The following SRGAP3 variants were observed in gnomAD, a reference collection of about 807,000 sequenced individuals.
The protein encoded by SRGAP3 is SLIT-ROBO Rho GTPase activating protein 3, also known as SLIT-ROBO Rho GTPase-activating protein 3.
In SRGAP3, 39 loss-of-function variants were observed where a neutral mutation model predicts 121.1. That is an observed-to-expected ratio of 0.32 (90% CI 0.25 to 0.42). The LOEUF (loss-of-function observed/expected upper bound fraction) is 0.42. SRGAP3 is among the 10% of genes least tolerant of loss of function. The pLI, the probability that SRGAP3 is intolerant of heterozygous loss-of-function variation, is 1.00. For missense variants in SRGAP3, 1,213 were observed against 1,470.6 expected (o/e 0.82, Z 2.86); for synonymous variants, 601 against 570.0 (o/e 1.05, Z -0.77).
rs772020039 is a variant in SRGAP3, at chr3:8,994,541, GA to G, written c.2228-19del. 1.4e-5 allele frequency: 23 copies of G among 1,608,656 alleles called. No individual in the cohort carries two copies. Among genetic ancestry groups the G allele is most frequent in the Non-Finnish European group, 1.8e-5 (21 of 1,178,754 alleles). On this transcript the variant is annotated intron_variant, in intron 18 of 21. Coordinates refer to ENST00000383836, the MANE Select transcript of SRGAP3 (RefSeq NM_014850.4). ...CTCCACTTCTGGAAGGAAATCAAGG[GA>G]AAAAGCGTCTCTGAGGTCAGCAAAG...
At chr3:9,253,378 G>A (rs1203007848), upstream of SRGAP3, among the ~76,000 whole-genome samples, 1 of 152,034 alleles carries the variant, frequency 6.6e-6, no homozygotes, top group Admixed American at 6.6e-5. Flanking sequence ...AGAATTTGGG[G>A]TTAAAAATAT....
chr3:8,990,959 A>T (rs1942022184), intron 20 of SRGAP3, 120 bp from the exon 21 acceptor site: 1 of 826,840 alleles, frequency 1.2e-6, no homozygotes, highest in South Asian at 2.2e-5. Flanking sequence ...GGTACAGTAA[A>T]GCCTCATTCA....
chr3:9,093,597 C>A (rs151127820), intron 3 of SRGAP3, among the ~76,000 whole-genome samples: 218 of 152,276 alleles, frequency 1.4e-3, no homozygotes, highest in African/African-American at 5.1e-3. Flanking sequence ...ACCCACTCAT[C>A]CATTCATCCA....
chr3:9,334,162 T>C (rs750986334), intron 1 of SRGAP3, among the ~76,000 whole-genome samples: 41 of 152,250 alleles, frequency 2.7e-4, no homozygotes, highest in Non-Finnish European at 4.9e-4. Flanking sequence ...TTATTTTGTT[T>C]TTGCAACTTC....
At chr3:8,994,894 T>C (rs1406042922) in intron 18 of SRGAP3, among the ~76,000 whole-genome samples, 1 of 152,214 alleles carries the variant, frequency 6.6e-6, no homozygotes, top group Admixed American at 6.5e-5. Context: ...TGCACCCTTT[T>C]CCTCTTTGTC....
In SRGAP3 at chr3:9,121,189, C is replaced by T. The variant is rs182218478; in HGVS notation, c.260+3536G>A. On this transcript the variant is annotated intron_variant, in intron 2 of 21. Coordinates refer to ENST00000383836, the MANE Select transcript of SRGAP3 (RefSeq NM_014850.4). ...CTTCTTCCCTCCTTCCTCCCTCCCA[C>T]CCATGCACACGCACCCCAGCTCTGC... 1.8e-3 allele frequency among the ~76,000 whole-genome samples: 273 copies of T among 152,342 alleles called. 6 individuals are homozygous for T. Among genetic ancestry groups the T allele is most frequent in the African/African-American group, 6.0e-3 (248 of 41,580 alleles).
At chr3:9,102,124 A>G (rs1440291639) in intron 3 of SRGAP3, among the ~76,000 whole-genome samples, 1 of 152,242 alleles carries the variant, frequency 6.6e-6, no homozygotes, top group Non-Finnish European at 1.5e-5. Flanking sequence ...GTAGAGCCCT[A>G]GGACCCCAGC....
intron 1 of SRGAP3, among the ~76,000 whole-genome samples, chr3:9,208,225 GCCTTC>G (rs1225797339): frequency 6.6e-6 from 1 of 151,546 alleles, no homozygotes. Context: ...TCCTTTCTAG[GCCTTC>G]CATATCTCCA....
intron 3 of SRGAP3, among the ~76,000 whole-genome samples, chr3:9,299,679 G>T (rs1426502305): frequency 1.3e-5 from 2 of 152,188 alleles, no homozygotes; most frequent in Non-Finnish European, 1.5e-5. Context: ...GGAGGCTGAG[G>T]CAGGTGGATC....
In SRGAP3 at chr3:9,347,268, C is replaced by T. The variant is rs556591248; in HGVS notation, n.214+15572G>A. ...GCAACCTCAATCTTTCGGATTTAGG[C>T]GAGAGATTCAGCCTCCAAAGTTGCT... is the stretch of plus-strand genomic sequence containing the variant. On this transcript the variant is annotated intron_variant and non_coding_transcript_variant, in intron 1 of 3. Transcript: ENST00000490889. 4.6e-5 allele frequency among the ~76,000 whole-genome samples: 7 copies of T among 152,248 alleles called. No homozygotes were observed. The East Asian group carries it at 5.8e-4, about 13-fold the overall frequency.
At chr3:9,296,420 G>A (rs1304778211) in intron 3 of SRGAP3, among the ~76,000 whole-genome samples, 1 of 152,162 alleles carries the variant, frequency 6.6e-6, no homozygotes, top group Non-Finnish European at 1.5e-5. Flanking sequence ...TGTGCTTATT[G>A]GCCATTTATC....
chr3:9,212,058 T>C (rs1952465094), intron 1 of SRGAP3, among the ~76,000 whole-genome samples: 1 of 96,390 alleles, frequency 1.0e-5, no homozygotes, highest in Admixed American at 1.0e-4. Context: ...TTTGTTGAAG[T>C]GCAATATAGA....
chr3:9,148,693 G>C (rs186079788), intron 1 of SRGAP3, among the ~76,000 whole-genome samples: 20 of 152,286 alleles, frequency 1.3e-4, no homozygotes, highest in Non-Finnish European at 2.5e-4. Context: ...CTGGGACATG[G>C]GGCCTACAGA....
chr3:9,104,870 G>A, intron 2 of SRGAP3, 28 bp from the exon 3 acceptor site: 1 of 1,613,902 alleles, frequency 6.2e-7, no homozygotes, highest in Non-Finnish European at 8.5e-7. Flanking sequence ...GCTCAGGTTG[G>A]CTACATTGGA....
At position 8,985,990 on chromosome 3, in the gene SRGAP3, C is replaced by T; in HGVS notation, c.2887-58G>A. ...CTGGAGACCTGGAGTCAGGTCCTTCCTGTCTGCTAAGCAGCTTCCCTTCGT... is the reference window on the plus strand; with the variant it reads ...CTGGAGACCTGGAGTCAGGTCCTTCTTGTCTGCTAAGCAGCTTCCCTTCGT... On this transcript the variant is annotated intron_variant, in intron 21 of 21. Coordinates refer to ENST00000383836, the MANE Select transcript of SRGAP3 (RefSeq NM_014850.4). The surrounding 1 kb of genome is among the most constrained non-coding windows in gnomAD (Gnocchi z 5.1). 3 of 1,598,744 alleles carry T rather than the reference C, an allele frequency of 1.9e-6. No homozygotes were observed. Among genetic ancestry groups the T allele is most frequent in the South Asian group, 1.1e-5 (1 of 90,848 alleles).
chr3:9,157,102 A>G (rs2125067854), intron 1 of SRGAP3, among the ~76,000 whole-genome samples: 1 of 152,338 alleles, frequency 6.6e-6, no homozygotes, highest in East Asian at 1.9e-4. Flanking sequence ...GCTAAAAAGA[A>G]CAACCTGAGA....
At chr3:9,154,328 AAAC>A (rs559468482) in intron 1 of SRGAP3, among the ~76,000 whole-genome samples, 210 of 152,222 alleles carry the variant, frequency 1.4e-3, no homozygotes, top group Non-Finnish European at 2.6e-3. Flanking sequence ...GTAAGACGCT[AAAC>A]AACGTAACTC....
intron 1 of SRGAP3, among the ~76,000 whole-genome samples, chr3:9,195,664 A>T (rs534057082): frequency 6.6e-6 from 1 of 152,048 alleles, no homozygotes; most frequent in South Asian, 2.1e-4. Context: ...TTTCTAAAAA[A>T]CTCAACCTAA....
At chr3:9,024,688 G>C (rs780450088) in intron 14 of SRGAP3, among the ~76,000 whole-genome samples, 1 of 152,150 alleles carries the variant, frequency 6.6e-6, no homozygotes, top group Non-Finnish European at 1.5e-5. Flanking sequence ...ACCTCTCCAG[G>C]GTTGGAGGGA....
Sources: allele counts gnomAD v4.1 joint callset (sites outside exome capture counted in the v4.1 genomes callset), GRCh38; gene constraint gnomAD v4.1.1; non-coding constraint Gnocchi (gnomAD v3.1); transcripts MANE v1.5; gene names NCBI Gene and HGNC (gene_info 2026-07-23, HGNC 2026-07-21).